ZNF722: variants seen among roughly 807,000 people sequenced by gnomAD.
ZNF722 encodes the protein zinc finger protein 722, also known as zinc finger protein 479 pseudogene.
At chr7:64,001,150 A>G in the ZNF722 span, among the ~76,000 whole-genome samples, 1 of 152,132 alleles carries the variant, frequency 6.6e-6, no homozygotes, top group African/African-American at 2.4e-5. Flanking sequence ...GTAAAATCAT[A>G]TCATGAAGTT....
chr7:64,004,360 G>C, the ZNF722 span, among the ~76,000 whole-genome samples: 423 of 140,864 alleles, frequency 3.0e-3, 4 homozygotes, highest in African/African-American at 0.011. Context: ...AGTGAGATGA[G>C]ATTGCACCAC....
the ZNF722 span, among the ~76,000 whole-genome samples, chr7:64,001,333 C>T: frequency 6.6e-6 from 1 of 152,134 alleles, no homozygotes; most frequent in Non-Finnish European, 1.5e-5. Context: ...TTATAAGTGA[C>T]AACATATAGT....
the ZNF722 span, chr7:64,015,389 T>G: frequency 6.5e-7 from 1 of 1,528,436 alleles, no homozygotes; most frequent in South Asian, 1.1e-5. Context: ...TAATTCATAC[T>G]AAGGAGAAGT....
chr7:64,010,113 T>C, the ZNF722 span, among the ~76,000 whole-genome samples: 1 of 152,138 alleles, frequency 6.6e-6, no homozygotes, highest in African/African-American at 2.4e-5. Context: ...TTTTATTGTG[T>C]CTATTTGATT....
chr7:64,012,826 G>A, the ZNF722 span, among the ~76,000 whole-genome samples: 5 of 152,214 alleles, frequency 3.3e-5, no homozygotes, highest in Non-Finnish European at 4.4e-5. Context: ...TGTTTGCATC[G>A]TGGAGACAAA....
chr7:64,007,985 G>A, the ZNF722 span, among the ~76,000 whole-genome samples: 2 of 152,268 alleles, frequency 1.3e-5, no homozygotes, highest in African/African-American at 4.8e-5. Flanking sequence ...GCATTTCTCT[G>A]ATGACCAGTG....
At chr7:64,015,015 T>C in the ZNF722 span, 1 of 1,282,922 alleles carries the variant, frequency 7.8e-7, no homozygotes, top group African/African-American at 1.5e-5. Context: ...CTTGTGATTT[T>C]TATGTCTTTC....
chr7:64,011,587 T>A, the ZNF722 span, among the ~76,000 whole-genome samples: 1 of 152,168 alleles, frequency 6.6e-6, no homozygotes, highest in South Asian at 2.1e-4. Flanking sequence ...CCCACTCTCT[T>A]CTGGCTCATA....
the ZNF722 span, chr7:64,005,858 G>T: frequency 1.0e-6 from 1 of 1,000,602 alleles, no homozygotes; most frequent in Non-Finnish European, 1.5e-6. Flanking sequence ...AGAAAATCTT[G>T]GGGATTCATT....
the ZNF722 span, among the ~76,000 whole-genome samples, chr7:64,017,197 A>C: frequency 6.6e-6 from 1 of 152,184 alleles, no homozygotes; most frequent in Non-Finnish European, 1.5e-5. Context: ...CAGCCTGGCC[A>C]ACATGGTGAA....
At chr7:64,015,831 G>A in the ZNF722 span, 1 of 1,605,896 alleles carries the variant, frequency 6.2e-7, no homozygotes, top group Non-Finnish European at 8.5e-7. Flanking sequence ...CTACAAATGT[G>A]AAGAATGTGA....
the ZNF722 span, among the ~76,000 whole-genome samples, chr7:64,000,132 T>G: frequency 0.64 from 89,871 of 140,722 alleles, 28,945 homozygotes; most frequent in Non-Finnish European, 0.69. Flanking sequence ...TTTTTTTTTT[T>G]TGTGTGTGTG....
At chr7:63,998,900 C>T in the ZNF722 span, 4 of 1,490,730 alleles carry the variant, frequency 2.7e-6, no homozygotes, top group African/African-American at 6.2e-5. Context: ...CAGGGCTCTG[C>T]ATTCTCTGCT....
chr7:64,006,802 T>C, the ZNF722 span, among the ~76,000 whole-genome samples: 2 of 146,512 alleles, frequency 1.4e-5, no homozygotes, highest in East Asian at 3.9e-4. Context: ...TTTTACAAAT[T>C]TTTTTCATTT....
the ZNF722 span, among the ~76,000 whole-genome samples, chr7:64,009,152 AAT>A: frequency 1.3e-5 from 2 of 152,162 alleles, no homozygotes; most frequent in Non-Finnish European, 2.9e-5. Context: ...GGACTGAGAC[AAT>A]GGGGTTTTGT....
chr7:64,001,988 A>G, the ZNF722 span, among the ~76,000 whole-genome samples: 1 of 151,974 alleles, frequency 6.6e-6, no homozygotes, highest in Non-Finnish European at 1.5e-5. Flanking sequence ...GTTTCAAGAG[A>G]TTCTCCTGCC....
the ZNF722 span, chr7:64,005,760 A>T: frequency 3.3e-6 from 5 of 1,504,054 alleles, no homozygotes; most frequent in Non-Finnish European, 4.5e-6. Flanking sequence ...TTCAATACAC[A>T]ATTCCTAATA....
chr7:63,998,966 C>T, the ZNF722 span: 30 of 1,578,758 alleles, frequency 1.9e-5, no homozygotes, highest in Admixed American at 3.7e-4. Context: ...AGATTTATGG[C>T]TGAAAGACCG....
At chr7:64,017,043 A>G in the ZNF722 span, among the ~76,000 whole-genome samples, 1 of 152,218 alleles carries the variant, frequency 6.6e-6, no homozygotes, top group Non-Finnish European at 1.5e-5. Context: ...GTGAAAAGCC[A>G]TTACTATCAG....
Sources: gnomAD v4.1 joint callset for allele counts (sites outside exome capture counted in the v4.1 genomes callset) on GRCh38, gnomAD v4.1.1 for gene constraint, MANE v1.5 for transcripts, NCBI Gene and HGNC (gene_info 2026-07-23, HGNC 2026-07-21) for gene names.